The following SUMF2 variants were observed in gnomAD, a reference collection of about 807,000 sequenced individuals.
The protein encoded by SUMF2 is sulfatase modifying factor 2, also known as inactive C-alpha-formylglycine-generating enzyme 2.
SUMF2 carries 45 observed loss-of-function variants against 44.8 expected under a neutral mutation model. The ratio of observed to expected loss-of-function variants is 1.00; its 90% CI spans 0.79 to 1.29. The LOEUF (loss-of-function observed/expected upper bound fraction) is 1.29. SUMF2 is among the 50% of genes most tolerant of loss of function. SUMF2 has a pLI of 0.00. For synonymous variants in SUMF2, 148 were observed against 150.4 expected (o/e 0.98, Z 0.12); for missense variants, 418 against 389.9 (o/e 1.07, Z -0.61).
In SUMF2 at chr7:56,064,318, C is replaced by A. The variant is rs369214641; in HGVS notation, c.7C>A (p.Arg3=). The change falls in exon 1 of 9, where the codon CGG becomes AGG. Residue 3 remains arginine (R), a synonymous_variant. Coordinates refer to ENST00000434526, the MANE Select transcript of SUMF2 (RefSeq NM_015411.4). MA[R]HGLPLLPLLS... Reference sequence around the variant, plus strand: ...GCGCAGCGCGGCAGTCCTGATGGCCCGGCATGGGTTACCGCTGCTGCCCCT... The same window carrying A: ...GCGCAGCGCGGCAGTCCTGATGGCCAGGCATGGGTTACCGCTGCTGCCCCT... The A allele has an allele frequency of 3.1e-6, 5 of 1,595,188 alleles. No homozygotes were observed. The South Asian group carries it at 4.5e-5, about 14-fold the overall frequency.
chr7:56,078,289 GC>G (rs1480831146), intron 7 of SUMF2, 74 bp from the exon 8 acceptor site: 3 of 1,560,644 alleles, frequency 1.9e-6, no homozygotes, highest in Non-Finnish European at 1.7e-6. Flanking sequence ...CTGCCATTTG[GC>G]CCCCAGGACC....
chr7:56,079,745 C>T lies in SUMF2; in HGVS notation c.*133C>T, dbSNP rs1795849366. The T allele has an allele frequency of 6.3e-7, 1 of 1,576,406 alleles. No homozygotes were observed. The highest frequency in any genetic ancestry group is 8.6e-7 in the Non-Finnish European group (1 of 1,160,472). On this transcript the variant is annotated 3_prime_UTR_variant, in exon 9 of 9. Coordinates refer to ENST00000434526, the MANE Select transcript of SUMF2 (RefSeq NM_015411.4). The stretch of plus-strand genomic sequence containing the variant: ...ACTTCCCCTTCCCTGTCTCCCATCC[C>T]TCTGTGGCAGGCGCCTCTCACCAGG...
intron 5 of SUMF2, among the ~76,000 whole-genome samples, chr7:56,076,074 T>C (rs1015028067): frequency 4.1e-5 from 6 of 145,822 alleles, no homozygotes; most frequent in African/African-American, 1.5e-4. Flanking sequence ...TCGCCCAGGC[T>C]GGAGTATGGT....
At chr7:56,081,551 G>A (rs1795992486), downstream of SUMF2, 2 of 1,525,376 alleles carry the variant, frequency 1.3e-6, no homozygotes, top group East Asian at 2.3e-5. This position sits in a 1 kb window ranked among gnomAD's most constrained non-coding sequence, Gnocchi z 4.6. Context: ...TTCACGGGGT[G>A]TAAGGACTCC....
chr7:56,064,449 G>A (rs1794606221), intron 1 of SUMF2, 71 bp downstream of exon 1: 2 of 1,507,588 alleles, frequency 1.3e-6, no homozygotes, highest in Non-Finnish European at 1.8e-6. Context: ...ACGGGAGAGA[G>A]CCTTAGGCCC....
intron 5 of SUMF2, 123 bp from the exon 6 acceptor site, chr7:56,076,711 A>G (rs1795574997): frequency 2.3e-6 from 2 of 856,382 alleles, no homozygotes; most frequent in East Asian, 5.5e-5. Context: ...AAAGCAGGTC[A>G]TTCACTCTTT....
chr7:56,067,723 T>G (rs1215975018), intron 1 of SUMF2, among the ~76,000 whole-genome samples: 1 of 151,392 alleles, frequency 6.6e-6, no homozygotes, highest in Admixed American at 6.6e-5. Flanking sequence ...CAAAACCCCA[T>G]CTCTACAAAA....
intron 2 of SUMF2, among the ~76,000 whole-genome samples, chr7:56,071,504 T>G (rs188655831): frequency 7.2e-4 from 106 of 147,966 alleles, no homozygotes; most frequent in African/African-American, 2.5e-3. Flanking sequence ...AATAAATGAT[T>G]GGTTGGGCGC....
downstream of SUMF2, chr7:56,081,545 C>T (rs924700777): frequency 1.4e-5 from 21 of 1,486,130 alleles, 1 homozygote; most frequent in South Asian, 9.5e-5. The surrounding 1 kb of genome is among the most constrained non-coding windows in gnomAD (Gnocchi z 4.6). Context: ...TGGAAATTCA[C>T]GGGGTGTAAG....
At chr7:56,066,446 T>A (rs1794805805) in intron 1 of SUMF2, among the ~76,000 whole-genome samples, 1 of 152,190 alleles carries the variant, frequency 6.6e-6, no homozygotes, top group Admixed American at 6.5e-5. Context: ...TTTTATTTTT[T>A]ATTTATTTAT....
At chr7:56,082,169 A>G, downstream of SUMF2, 1 of 1,613,522 alleles carries the variant, frequency 6.2e-7, no homozygotes, top group African/African-American at 1.3e-5. Context: ...TCACATGTCC[A>G]CCTCTTTCCC....
intron 8 of SUMF2, chr7:56,078,981 C>G: frequency 3.2e-6 from 2 of 627,256 alleles, no homozygotes; most frequent in Non-Finnish European, 5.8e-6. Context: ...ACTACAGCCT[C>G]AAACTGCCAG....
At chr7:56,087,651 G>C in the SUMF2 span, 1 of 1,613,926 alleles carries the variant, frequency 6.2e-7, no homozygotes, top group Non-Finnish European at 8.5e-7. Flanking sequence ...CTTCAGCGTG[G>C]CTTCTCGCAG....
chr7:56,073,173 G>T, intron 3 of SUMF2, 62 bp downstream of exon 3: 1 of 1,306,842 alleles, frequency 7.7e-7, no homozygotes. Context: ...GGAATCCTGT[G>T]GGACATGGGT....
chr7:56,068,415 A>T (rs1221714499), intron 1 of SUMF2, 67 bp from the exon 2 acceptor site: 1 of 1,432,002 alleles, frequency 7.0e-7, no homozygotes, highest in Non-Finnish European at 9.5e-7. Flanking sequence ...ATTGCATATG[A>T]TCCAAATATT....
At chr7:56,077,193 C>T (rs1289744073) in intron 6 of SUMF2, among the ~76,000 whole-genome samples, 3 of 151,334 alleles carry the variant, frequency 2.0e-5, no homozygotes, top group African/African-American at 4.8e-5. Context: ...ATTACAGGTG[C>T]CTGCCACCAT....
chr7:56,083,371 T>G (rs1396549390), downstream of SUMF2: 3 of 1,614,152 alleles, frequency 1.9e-6, no homozygotes, highest in Non-Finnish European at 2.5e-6. Context: ...TTCTCGGGCT[T>G]CAGGTCCCGG....
rs778778455 is a variant in SUMF2, at chr7:56,079,564, C to T, written c.858C>T (p.Leu286=). 9.3e-6 allele frequency: 15 copies of T among 1,613,972 alleles called. No homozygotes were observed. Among genetic ancestry groups the T allele is most frequent in the East Asian group, 6.7e-5 (3 of 44,882 alleles). Residue 286 remains leucine (L), a synonymous_variant, in exon 9 of 9, where the codon CTC becomes CTT. Transcript: ENST00000434526. ...GNTPDSASDN[L]GFRCAADAGR... ...CTCCAGATTCAGCCTCAGACAACCT[C>T]GGTTTCCGCTGTGCTGCAGACGCAG...
rs373102103 is a variant in SUMF2 at position 56,077,694 on chromosome 7, TAAA to T, written c.592-404_592-402del. Among the ~76,000 whole-genome samples, 1,100 of 147,420 alleles carry T rather than the reference TAAA, an allele frequency of 7.5e-3. 8 individuals are homozygous for T. The highest frequency in any genetic ancestry group is 0.025 in the African/African-American group (995 of 40,080). On this transcript the variant is annotated intron_variant, in intron 6 of 8. Transcript: ENST00000434526. ...AAAAAATAAAACTAAAATAAGCAAA[TAAA>T]AAAGCACTGTCCTGAGAAGGCCAGC... is the stretch of plus-strand genomic sequence containing the variant.
Sources: allele counts gnomAD v4.1 joint callset (sites outside exome capture counted in the v4.1 genomes callset), GRCh38; gene constraint gnomAD v4.1.1; non-coding constraint Gnocchi (gnomAD v3.1); transcripts MANE v1.5; gene names NCBI Gene and HGNC (gene_info 2026-07-23, HGNC 2026-07-21).